HS6ST2: variants seen among roughly 807,000 people sequenced by gnomAD.
The protein encoded by HS6ST2 is heparan sulfate 6-O-sulfotransferase 2, also known as heparan-sulfate 6-O-sulfotransferase 2.
HS6ST2 carries 17 observed loss-of-function variants against 33.0 expected under a neutral mutation model. That is an observed-to-expected ratio of 0.52 (90% CI 0.35 to 0.77). The LOEUF is 0.77. HS6ST2 is among the 30% of genes least tolerant of loss of function. The pLI is 0.01. For missense variants in HS6ST2, 519 were observed against 551.7 expected, an observed-to-expected ratio of 0.94 and a Z score of 0.59; for synonymous variants, 248 against 237.1, an observed-to-expected ratio of 1.05 and a Z score of -0.42.
chrX:132,709,678 A>G (rs1463083114), intron 2 of HS6ST2, among the ~76,000 whole-genome samples: 1 of 110,408 alleles, frequency 9.1e-6, no homozygotes, highest in Non-Finnish European at 1.9e-5. Flanking sequence ...CTCCAGCCGC[A>G]AGAAATAAGT....
chrX:132,742,212 T>C (rs747903138), intron 2 of HS6ST2, among the ~76,000 whole-genome samples: 26 of 111,987 alleles, frequency 2.3e-4, no homozygotes, highest in Non-Finnish European at 4.1e-4. Context: ...AAACTGGGGA[T>C]CGTTTGCCTA....
At chrX:132,810,511 G>A (rs1017339025) in intron 2 of HS6ST2, among the ~76,000 whole-genome samples, 1 of 110,888 alleles carries the variant, frequency 9.0e-6, no homozygotes, top group East Asian at 2.8e-4. Flanking sequence ...TGTAGATTCC[G>A]AGGCTTTACT....
intron 2 of HS6ST2, among the ~76,000 whole-genome samples, chrX:132,953,941 C>G (rs1294474385): frequency 8.9e-6 from 1 of 112,288 alleles, no homozygotes; most frequent in African/African-American, 3.2e-5. Context: ...CATCAAGGTG[C>G]AGTCAACAGA....
At chrX:132,846,813 A>G (rs1351876479) in intron 2 of HS6ST2, among the ~76,000 whole-genome samples, 3 of 110,404 alleles carry the variant, frequency 2.7e-5, no homozygotes, top group Non-Finnish European at 5.7e-5. Flanking sequence ...GAGAAGATAC[A>G]AATGCCATTC....
intron 2 of HS6ST2, among the ~76,000 whole-genome samples, chrX:132,756,820 GGTGTGTGTGTGTGTGTGTGT>G (rs3065679): frequency 2.1e-5 from 2 of 97,328 alleles, no homozygotes; most frequent in African/African-American, 3.8e-5. Context: ...CCCTGTGCAT[GGTGTGTGTGTGTGTGTGTGT>G]GTGTGTGTGT....
At position 132,628,208 on chromosome X, in the gene HS6ST2, G is replaced by A. The variant is rs1368945411; in HGVS notation, c.*15C>T. The A allele has an allele frequency of 9.2e-7, 1 of 1,091,154 alleles. No individual in the cohort carries two copies. The highest frequency in any genetic ancestry group is 1.2e-6 in the Non-Finnish European group (1 of 808,868). 89.9% of individuals were successfully genotyped at this position (1,091,154 alleles called of 1,213,427 possible). On this transcript the variant is annotated 3_prime_UTR_variant, in exon 5 of 5. Transcript: ENST00000370833. ...GGCGCTTTGGGAGAAGTATGTACAG[G>A]CCTTTTTGAGCCATTTAACGCCATT... is the stretch of plus-strand genomic sequence containing the variant.
At chrX:132,869,601 G>A (rs2061131151) in intron 2 of HS6ST2, among the ~76,000 whole-genome samples, 1 of 112,049 alleles carries the variant, frequency 8.9e-6, no homozygotes, top group Non-Finnish European at 1.9e-5. Context: ...GGGAAGCAAG[G>A]CTGGTTCAAC....
intron 2 of HS6ST2, among the ~76,000 whole-genome samples, chrX:132,860,935 A>G (rs947520441): frequency 2.8e-5 from 3 of 108,266 alleles, no homozygotes; most frequent in Non-Finnish European, 5.7e-5. Context: ...TTACAGTCAT[A>G]GTATGCCACC....
At chrX:132,735,999 C>T (rs2064505950) in intron 2 of HS6ST2, among the ~76,000 whole-genome samples, 1 of 110,707 alleles carries the variant, frequency 9.0e-6, no homozygotes, top group Admixed American at 9.6e-5. Context: ...CGTGCACCAC[C>T]AGGCCCGGCT....
At chrX:132,870,572 A>G (rs997352652) in intron 2 of HS6ST2, among the ~76,000 whole-genome samples, 19 of 111,780 alleles carry the variant, frequency 1.7e-4, no homozygotes, top group African/African-American at 5.9e-4. Flanking sequence ...AAACAGATAA[A>G]TTGACCAATG....
intron 2 of HS6ST2, among the ~76,000 whole-genome samples, chrX:132,856,831 G>A (rs1306148740): frequency 8.9e-6 from 1 of 111,795 alleles, no homozygotes. Flanking sequence ...ATCTTTGAGA[G>A]GATATTTACT....
At chrX:132,753,446 G>A (rs78609117) in intron 2 of HS6ST2, among the ~76,000 whole-genome samples, 3 of 111,115 alleles carry the variant, frequency 2.7e-5, no homozygotes, top group Non-Finnish European at 5.7e-5. Context: ...CATGGGGGCC[G>A]TTCCCCCCAT....
At position 132,938,136 on chromosome X, in the gene HS6ST2, T is replaced by G. The variant is rs1480207830; in HGVS notation, c.947+18672A>C. On this transcript the variant is annotated intron_variant, in intron 2 of 4. Coordinates refer to ENST00000370833, the MANE Select transcript of HS6ST2 (RefSeq NM_001394073.1). ...ATGATCATGCCACTGCACTCCACCC[T>G]GGGCAACAAAGGGAAACCCTGTCTC... Among the ~76,000 whole-genome samples the G allele has an allele frequency of 5.1e-4, 52 of 101,220 alleles. 1 individual carries two copies. The highest frequency in any genetic ancestry group is 4.3e-3 in the Admixed American group (39 of 9,131). The allele number at this position is 101,220 out of a possible 115,157, so 87.9% of individuals were successfully genotyped here. A position where few individuals can be genotyped will look rare whatever the true frequency, so the allele number is the denominator to read the frequency against.
chrX:132,796,928 C>T (rs1449581466), intron 2 of HS6ST2, among the ~76,000 whole-genome samples: 1 of 111,810 alleles, frequency 8.9e-6, no homozygotes, highest in Non-Finnish European at 1.9e-5. Context: ...TAATGTAAAC[C>T]CAAAGTGCTA....
intron 2 of HS6ST2, among the ~76,000 whole-genome samples, chrX:132,827,416 A>T (rs1457600149): frequency 9.0e-6 from 1 of 110,792 alleles, no homozygotes; most frequent in Non-Finnish European, 1.9e-5. Flanking sequence ...ATGGCACAGG[A>T]TGTTACAGCA....
chrX:132,924,790 G>C (rs1292880871), intron 2 of HS6ST2, among the ~76,000 whole-genome samples: 2 of 112,105 alleles, frequency 1.8e-5, no homozygotes, highest in Non-Finnish European at 3.8e-5. Context: ...AGGAGCTCCA[G>C]ACCAGCCTGG....
chrX:132,920,181 G>A (rs1201501111), intron 2 of HS6ST2, among the ~76,000 whole-genome samples: 1 of 110,639 alleles, frequency 9.0e-6, no homozygotes. Context: ...CCCACCAAAA[G>A]GATAGGATGC....
At chrX:132,726,776 C>T (rs2064395895) in intron 2 of HS6ST2, among the ~76,000 whole-genome samples, 1 of 112,023 alleles carries the variant, frequency 8.9e-6, no homozygotes, top group Non-Finnish European at 1.9e-5. Flanking sequence ...CCTTTTGTAT[C>T]TGGCTTTTTT....
intron 3 of HS6ST2, among the ~76,000 whole-genome samples, chrX:132,691,394 C>T (rs911376624): frequency 1.3e-4 from 15 of 111,661 alleles, no homozygotes; most frequent in Middle Eastern, 4.6e-3. Context: ...CTCCCTTAAC[C>T]GCTCTTGTCT....
Sources: allele counts gnomAD v4.1 joint callset (sites outside exome capture counted in the v4.1 genomes callset), GRCh38; gene constraint gnomAD v4.1.1; transcripts MANE v1.5; gene names NCBI Gene and HGNC (gene_info 2026-07-23, HGNC 2026-07-21).